EXOC5: variants seen among roughly 807,000 people sequenced by gnomAD.
EXOC5 encodes SEC10-like 1.
In EXOC5, 17 loss-of-function variants were observed where a neutral mutation model predicts 90.8. The observed-to-expected ratio is 0.19, with a 90% CI of 0.13 to 0.28. The LOEUF is 0.28. Ranked by LOEUF, EXOC5 falls within the 10% of genes least tolerant of loss-of-function variation. The pLI is 1.00. For missense variants in EXOC5, 569 were observed against 830.6 expected, an observed-to-expected ratio of 0.69 and a Z score of 3.87; for synonymous variants, 260 against 270.0, an observed-to-expected ratio of 0.96 and a Z score of 0.36.
At chr14:57,234,123 A>T in intron 7 of EXOC5, 91 bp from the exon 8 acceptor site, 2 of 971,030 alleles carry the variant, frequency 2.1e-6, no homozygotes, top group Non-Finnish European at 3.1e-6. Context: ...TAAAGCTATG[A>T]CTATTTACCA....
At chr14:57,240,626 G>A (rs888041265) in intron 4 of EXOC5, among the ~76,000 whole-genome samples, 12 of 151,904 alleles carry the variant, frequency 7.9e-5, no homozygotes, top group Non-Finnish European at 2.9e-5. Context: ...AGGAACTTAG[G>A]CAAGAGTTCT....
intron 17 of EXOC5, 106 bp from the exon 18 acceptor site, chr14:57,208,903 G>C: frequency 3.0e-6 from 2 of 659,702 alleles, no homozygotes; most frequent in Non-Finnish European, 5.0e-6. Flanking sequence ...ACTAGTGTGG[G>C]TGAAGTTCAA....
chr14:57,202,532 T>C lies in EXOC5; in HGVS notation c.*6077A>G, dbSNP rs1046860732. On this transcript the variant is annotated 3_prime_UTR_variant, in exon 18 of 18. Transcript: ENST00000621441. ...CAGTATTTACAACCCTTCTGTTAAG[T>C]CTGATTGTTTCAAAAATTTTTCTTT... is the stretch of plus-strand genomic sequence containing the variant. 1 of 152,134 alleles carries C rather than the reference T, an allele frequency of 6.6e-6. No individual in the cohort carries two copies. Among genetic ancestry groups the C allele is most frequent in the Non-Finnish European group, 1.5e-5 (1 of 68,012 alleles). The allele number at this position is 152,134 out of a possible 1,614,324, so 9.4% of individuals were successfully genotyped here.
chr14:57,245,845 G>C (rs965797083), intron 3 of EXOC5, among the ~76,000 whole-genome samples: 8 of 152,084 alleles, frequency 5.3e-5, no homozygotes, highest in African/African-American at 1.7e-4. Context: ...CTGAGGTCAG[G>C]AGTTCAAGAC....
At chr14:57,265,484 G>C (rs1884644766) in intron 1 of EXOC5, among the ~76,000 whole-genome samples, 2 of 152,116 alleles carry the variant, frequency 1.3e-5, no homozygotes, top group Admixed American at 1.3e-4. Context: ...GCACCTTGTG[G>C]GGCCAAGGTG....
At chr14:57,222,183 A>C in intron 13 of EXOC5, 125 bp downstream of exon 13, 1 of 529,642 alleles carries the variant, frequency 1.9e-6, no homozygotes, top group East Asian at 3.1e-5. Context: ...ATAAAAGCTC[A>C]AACTTCATTG....
In EXOC5 at chr14:57,203,865, C is replaced by A. The variant is rs1882570286; in HGVS notation, c.*4744G>T. 1 of 152,600 alleles carries A rather than the reference C, an allele frequency of 6.6e-6. No individual in the cohort carries two copies. Among genetic ancestry groups the A allele is most frequent in the Admixed American group, 6.6e-5 (1 of 15,250 alleles). The allele number at this position is 152,600 out of a possible 1,614,324, so 9.5% of individuals were successfully genotyped here. On this transcript the variant is annotated 3_prime_UTR_variant, in exon 18 of 18. Transcript: ENST00000621441. ...AATATAGAAAAATACATGTTATCAG[C>A]AGCATGATGTTGACCATGTTCTAAT...
intron 12 of EXOC5, among the ~76,000 whole-genome samples, chr14:57,222,697 C>CATATAT (rs145170163): frequency 2.1e-5 from 3 of 145,210 alleles, no homozygotes; most frequent in African/African-American, 7.6e-5. Flanking sequence ...TGTATACCCC[C>CATATAT]ATATATATAT....
intron 12 of EXOC5, among the ~76,000 whole-genome samples, chr14:57,228,757 A>T (rs1883390057): frequency 6.6e-6 from 1 of 150,978 alleles, no homozygotes; most frequent in Non-Finnish European, 1.5e-5. Context: ...CCTAATGTAG[A>T]TGAGGAGTTG....
intron 5 of EXOC5, among the ~76,000 whole-genome samples, chr14:57,238,453 G>A (rs1455765153): frequency 1.4e-5 from 2 of 148,088 alleles, no homozygotes; most frequent in African/African-American, 4.9e-5. Flanking sequence ...TGTGTGTTCT[G>A]GAGTGGAAAA....
At chr14:57,239,397 A>C in intron 5 of EXOC5, 198 bp downstream of exon 5, 4 of 416,666 alleles carry the variant, frequency 9.6e-6, no homozygotes, top group Non-Finnish European at 1.7e-5. Flanking sequence ...AGATATTAAG[A>C]AGAGACTGTA....
chr14:57,253,739 GC>G (rs1884262914), intron 1 of EXOC5, among the ~76,000 whole-genome samples: 1 of 152,138 alleles, frequency 6.6e-6, no homozygotes, highest in African/African-American at 2.4e-5. Flanking sequence ...TGACAAGGGT[GC>G]CAAGAACATT....
intron 15 of EXOC5, 55 bp from the exon 16 acceptor site, chr14:57,210,116 T>A (rs539239617): frequency 1.3e-6 from 1 of 741,000 alleles, no homozygotes; most frequent in East Asian, 2.7e-5. Context: ...TCTATGTTTA[T>A]GTTTAATTAT....
intron 1 of EXOC5, among the ~76,000 whole-genome samples, chr14:57,265,636 G>A (rs1176023690): frequency 6.6e-6 from 1 of 152,222 alleles, no homozygotes; most frequent in African/African-American, 2.4e-5. Flanking sequence ...AAGGTGGGCA[G>A]ATGGATTGTG....
Position 57,265,253 on chromosome 14 carries a change from ATCTGTAGAATGAATG to A in EXOC5, c.27+3354_27+3368del, listed in dbSNP as rs1323301249. On this transcript the variant is annotated intron_variant, in intron 1 of 17. Transcript: ENST00000621441. ...TGAACTTAAAAGGTACTCAACAAAT[ATCTGTAGAATGAATG>A]AATAATTAACCCTAGTTACTAACCA... Among the ~76,000 whole-genome samples the A allele has an allele frequency of 3.3e-5, 5 of 151,962 alleles. No individual in the cohort carries two copies. In the East Asian group the frequency reaches 9.8e-4, roughly 30 times the overall value.
rs539239617 is a variant in EXOC5 at position 57,210,116 on chromosome 14, T to C, written c.1614-55A>G. On this transcript the variant is annotated intron_variant, in intron 15 of 17. Transcript: ENST00000621441. ...ACCCATCTAACTTACTCTATGTTTA[T>C]GTTTAATTATATTATTTATGCTAAA... 4 of 741,000 alleles carry C rather than the reference T, an allele frequency of 5.4e-6. 1 individual carries two copies. The Middle Eastern group carries it at 7.9e-4, about 146-fold the overall frequency. The allele number at this position is 741,000 out of a possible 1,614,324, so 45.9% of individuals were successfully genotyped here.
At chr14:57,231,832 T>C in intron 10 of EXOC5, 117 bp from the exon 11 acceptor site, 1 of 662,508 alleles carries the variant, frequency 1.5e-6, no homozygotes, top group Non-Finnish European at 2.5e-6. Context: ...CCACCATTTC[T>C]TAAACTCTGG....
At chr14:57,250,590 A>G (rs893235645) in intron 1 of EXOC5, among the ~76,000 whole-genome samples, 9 of 152,150 alleles carry the variant, frequency 5.9e-5, no homozygotes, top group South Asian at 2.1e-4. Context: ...GTGAGAACAC[A>G]TGGGGGCTGG....
chr14:57,221,532 G>A (rs1883140416), intron 13 of EXOC5, among the ~76,000 whole-genome samples: 1 of 152,162 alleles, frequency 6.6e-6, no homozygotes, highest in South Asian at 2.1e-4. Context: ...CAGTGAAGAT[G>A]GAGAAGAGTA....
Sources: gnomAD v4.1 joint callset for allele counts (sites outside exome capture counted in the v4.1 genomes callset) on GRCh38, gnomAD v4.1.1 for gene constraint, MANE v1.5 for transcripts, NCBI Gene and HGNC (gene_info 2026-07-23, HGNC 2026-07-21) for gene names.